Variants in NRXN3 observed in about 807,000 individuals in gnomAD.
NRXN3 encodes neurexin III.
Under a neutral mutation model 137.6 loss-of-function variants are expected in NRXN3, and 32 were observed. The ratio of observed to expected loss-of-function variants is 0.23; its 90% CI spans 0.18 to 0.31. NRXN3 has a LOEUF of 0.31. Among genes scored for constraint, NRXN3 ranks in the 10% least tolerant of loss-of-function variants. NRXN3 has a pLI of 1.00. For synonymous variants in NRXN3, 798 were observed against 784.5 expected (o/e 1.02, Z -0.29); for missense variants, 1,574 against 2,062.5 (o/e 0.76, Z 4.59).
intron 15 of NRXN3, among the ~76,000 whole-genome samples, chr14:79,081,057 G>T (rs974830786): frequency 6.6e-6 from 1 of 152,060 alleles, no homozygotes; most frequent in Non-Finnish European, 1.5e-5. Context: ...GCATTTAGTA[G>T]ATACAAGCCT....
intron 10 of NRXN3, among the ~76,000 whole-genome samples, chr14:78,838,706 T>C (rs547709103): frequency 6.6e-6 from 1 of 152,294 alleles, no homozygotes; most frequent in Admixed American, 6.5e-5. Flanking sequence ...GAAAAGCTTG[T>C]CTTTCTTGCC....
At chr14:79,269,860 C>T (rs913564980) in intron 15 of NRXN3, among the ~76,000 whole-genome samples, 1 of 152,132 alleles carries the variant, frequency 6.6e-6, no homozygotes, top group Non-Finnish European at 1.5e-5. Flanking sequence ...CTACAGACAA[C>T]TTGTATTGCA....
chr14:79,586,953 ATC>A (rs1426278711), intron 16 of NRXN3, among the ~76,000 whole-genome samples: 1 of 152,110 alleles, frequency 6.6e-6, no homozygotes, highest in Non-Finnish European at 1.5e-5. Context: ...ATTCATTATC[ATC>A]TCCTGACTCA....
intron 10 of NRXN3, among the ~76,000 whole-genome samples, chr14:78,887,628 A>C (rs937653364): frequency 6.6e-6 from 1 of 152,084 alleles, no homozygotes; most frequent in Non-Finnish European, 1.5e-5. Flanking sequence ...ATTATTATGA[A>C]GATTAGGTCC....
At chr14:79,819,130 T>A (rs1603614154) in intron 20 of NRXN3, among the ~76,000 whole-genome samples, 1 of 152,308 alleles carries the variant, frequency 6.6e-6, no homozygotes, top group African/African-American at 2.4e-5. Flanking sequence ...TAGCAAACTT[T>A]TTTTCTGTAA....
chr14:79,677,269 A>G (rs532115390), intron 17 of NRXN3, among the ~76,000 whole-genome samples: 1 of 152,206 alleles, frequency 6.6e-6, no homozygotes, highest in East Asian at 1.9e-4. Flanking sequence ...AGATTTCAGT[A>G]TCCTTGACAG....
chr14:79,432,683 G>T (rs982324238), intron 15 of NRXN3, among the ~76,000 whole-genome samples: 1 of 152,036 alleles, frequency 6.6e-6, no homozygotes, highest in Non-Finnish European at 1.5e-5. Flanking sequence ...CAGAAATAAG[G>T]TTTTAGTGAT....
chr14:79,370,331 T>C (rs534604425), intron 15 of NRXN3, among the ~76,000 whole-genome samples: 2 of 151,506 alleles, frequency 1.3e-5, no homozygotes, highest in African/African-American at 4.8e-5. Flanking sequence ...TTGTTTTTTT[T>C]TTTTGAGATG....
intron 15 of NRXN3, among the ~76,000 whole-genome samples, chr14:79,304,204 G>A (rs2085644280): frequency 1.3e-5 from 2 of 151,960 alleles, no homozygotes; most frequent in Admixed American, 6.6e-5. Flanking sequence ...GCCCCATTAG[G>A]GGACAGTTCA....
chr14:78,854,657 A>G (rs951221628), intron 10 of NRXN3, among the ~76,000 whole-genome samples: 2 of 152,218 alleles, frequency 1.3e-5, no homozygotes, highest in African/African-American at 4.8e-5. Context: ...TTTCAAGGTC[A>G]TACAGCTACT....
At chr14:79,096,376 C>T (rs934773228) in intron 15 of NRXN3, among the ~76,000 whole-genome samples, 2 of 152,026 alleles carry the variant, frequency 1.3e-5, no homozygotes, top group Non-Finnish European at 2.9e-5. Context: ...TCCCAAAGTG[C>T]TAGGATTACA....
At chr14:78,966,536 C>T in intron 12 of NRXN3, 130 bp downstream of exon 12, 1 of 967,444 alleles carries the variant, frequency 1.0e-6, no homozygotes, top group Non-Finnish European at 1.5e-6. Flanking sequence ...CTCGCATCTT[C>T]CTTGATTAAA....
chr14:78,590,454 CT>C (rs530880588), intron 4 of NRXN3, among the ~76,000 whole-genome samples: 61 of 150,518 alleles, frequency 4.1e-4, no homozygotes, highest in African/African-American at 1.0e-3. Context: ...GACATAAAAA[CT>C]TTTTTTTTTC....
At chr14:78,943,615 AAAAAAAATATAT>A (rs1257054004) in intron 10 of NRXN3, among the ~76,000 whole-genome samples, 12 of 42,486 alleles carry the variant, frequency 2.8e-4, no homozygotes, top group Non-Finnish European at 4.2e-4. Flanking sequence ...ACTGTTAAAA[AAAAAAAATATAT>A]ATATATATAT....
chr14:78,330,630 C>G (rs2080700628), intron 4 of NRXN3, among the ~76,000 whole-genome samples: 1 of 152,074 alleles, frequency 6.6e-6, no homozygotes, highest in Non-Finnish European at 1.5e-5. Flanking sequence ...ATAAGGTATG[C>G]CATAGTGCTG....
At chr14:79,836,380 C>G (rs2099343753) in intron 20 of NRXN3, among the ~76,000 whole-genome samples, 1 of 152,120 alleles carries the variant, frequency 6.6e-6, no homozygotes, top group African/African-American at 2.4e-5. Context: ...ATTTAATGCA[C>G]TTTAAAGTTG....
At chr14:79,029,144 G>A (rs8009417) in intron 15 of NRXN3, among the ~76,000 whole-genome samples, 78,942 of 151,874 alleles carry the variant, frequency 0.52, 23,327 homozygotes, top group East Asian at 0.78. Context: ...AAAAAAGAAT[G>A]GAAAGGAAGA....
At chr14:79,162,338 T>G (rs2060868435) in intron 15 of NRXN3, among the ~76,000 whole-genome samples, 1 of 142,024 alleles carries the variant, frequency 7.0e-6, no homozygotes. Flanking sequence ...TTCCCCTTCC[T>G]GTGTCCATGT....
intron 15 of NRXN3, among the ~76,000 whole-genome samples, chr14:79,243,995 A>C (rs1257095667): frequency 6.6e-6 from 1 of 152,146 alleles, no homozygotes; most frequent in African/African-American, 2.4e-5. Flanking sequence ...AACATCACCA[A>C]ACAAAGCTAC....
Sources: allele counts gnomAD v4.1 joint callset (sites outside exome capture counted in the v4.1 genomes callset), GRCh38; gene constraint gnomAD v4.1.1; transcripts MANE v1.5; gene names NCBI Gene and HGNC (gene_info 2026-07-23, HGNC 2026-07-21).